TAMM41: variants seen among roughly 807,000 people sequenced by gnomAD.
TAMM41 encodes the protein phosphatidate cytidylyltransferase, mitochondrial.
In TAMM41, 36 loss-of-function variants were observed where a neutral mutation model predicts 44.1. The observed-to-expected ratio is 0.82, with a 90% confidence interval of 0.63 to 1.08. The LOEUF (loss-of-function observed/expected upper bound fraction) is 1.08, where lower values mean the gene tolerates loss of function less well. Ranked by LOEUF, TAMM41 falls within the 50% of genes least tolerant of loss-of-function variation. TAMM41 has a pLI of 0.00. For synonymous variants in TAMM41, 164 were observed against 153.1 expected, an observed-to-expected ratio of 1.07 and a Z score of -0.53; for missense variants, 417 against 404.3, an observed-to-expected ratio of 1.03 and a Z score of -0.27.
chr3:11,797,065 T>C (rs767542157), intron 7 of TAMM41, among the ~76,000 whole-genome samples: 8 of 152,194 alleles, frequency 5.3e-5, no homozygotes, highest in South Asian at 2.1e-4. Context: ...AAAATGGTCA[T>C]AGTGCCTAAA....
At chr3:11,834,318 T>C (rs1233649282) in intron 3 of TAMM41, among the ~76,000 whole-genome samples, 2 of 152,180 alleles carry the variant, frequency 1.3e-5, no homozygotes, top group African/African-American at 4.8e-5. Flanking sequence ...CAAAATCCTC[T>C]TAACAAGGTG....
rs368562112 is a variant in TAMM41, at chr3:11,844,067, C to T, written c.280G>A (p.Gly94Arg). The change falls in exon 2 of 8, where the codon GGA (glycine) becomes AGA (arginine). Residue 94 changes from glycine (G) to arginine (R), a missense_variant. Coordinates refer to ENST00000455809, the MANE Select transcript of TAMM41 (RefSeq NM_001284401.2). ...ATGATCAATGAATTGTAGTAAACTC[C>T]AGCGCCATAGTTATTCTGGATGGAC... ...ITSIQNNYGA[G>R]VYYNSLIMCN... is the part of the protein sequence containing the mutation. 4.3e-6 allele frequency: 7 copies of T among 1,614,036 alleles called. No homozygotes were observed. The highest frequency in any genetic ancestry group is 1.7e-5 in the Admixed American group (1 of 60,002).
At chr3:11,766,219 C>A in the TAMM41 span, among the ~76,000 whole-genome samples, 37 of 151,596 alleles carry the variant, frequency 2.4e-4, no homozygotes, top group African/African-American at 7.0e-4. Context: ...GGCTGGAGTG[C>A]GGAGTGAGGA....
chr3:11,734,431 T>C, the TAMM41 span, among the ~76,000 whole-genome samples: 1 of 152,134 alleles, frequency 6.6e-6, no homozygotes, highest in African/African-American at 2.4e-5. Flanking sequence ...AAGACTTAAA[T>C]GTGCATTTTC....
the TAMM41 span, among the ~76,000 whole-genome samples, chr3:11,741,261 C>G: frequency 1.4e-5 from 2 of 140,646 alleles, no homozygotes; most frequent in Non-Finnish European, 3.0e-5. Context: ...GCACTGGTGT[C>G]TGGTGTGGGC....
At chr3:11,794,494 T>A (rs2077559297) in intron 7 of TAMM41, among the ~76,000 whole-genome samples, 1 of 152,198 alleles carries the variant, frequency 6.6e-6, no homozygotes, top group Non-Finnish European at 1.5e-5. Flanking sequence ...TTCTGCTCAC[T>A]CCTTCCCCAG....
chr3:11,787,876 C>A (rs554503425), downstream of TAMM41, among the ~76,000 whole-genome samples: 8 of 152,164 alleles, frequency 5.3e-5, no homozygotes, highest in Non-Finnish European at 8.8e-5. Context: ...TACTTACTCC[C>A]GAAGAGTTCC....
chr3:11,758,871 G>A, the TAMM41 span, among the ~76,000 whole-genome samples: 8 of 150,926 alleles, frequency 5.3e-5, no homozygotes, highest in East Asian at 1.6e-3. Context: ...ATGGAGTTTC[G>A]CCATGCTGGC....
intron 7 of TAMM41, among the ~76,000 whole-genome samples, chr3:11,792,250 G>C (rs2077497697): frequency 6.6e-6 from 1 of 151,966 alleles, no homozygotes; most frequent in African/African-American, 2.4e-5. Context: ...TTCTGCCAGT[G>C]AGACATTTTC....
intron 3 of TAMM41, among the ~76,000 whole-genome samples, chr3:11,833,467 G>A (rs1410705294): frequency 6.6e-6 from 1 of 152,108 alleles, no homozygotes; most frequent in Non-Finnish European, 1.5e-5. Flanking sequence ...CCGCCCACCA[G>A]AACTTTTCCA....
chr3:11,739,671 C>CAAAAAAAA, the TAMM41 span, among the ~76,000 whole-genome samples: 1 of 53,456 alleles, frequency 1.9e-5, no homozygotes, highest in African/African-American at 7.6e-5. Flanking sequence ...GACTCCATCT[C>CAAAAAAAA]AAAAAAAAAA....
chr3:11,765,205 G>T, the TAMM41 span, among the ~76,000 whole-genome samples: 1 of 152,128 alleles, frequency 6.6e-6, no homozygotes, highest in South Asian at 2.1e-4. Flanking sequence ...CCATGATCAA[G>T]TGGACCCAGG....
intron 4 of TAMM41, among the ~76,000 whole-genome samples, chr3:11,820,426 A>G (rs2078468450): frequency 6.6e-6 from 1 of 152,158 alleles, no homozygotes; most frequent in East Asian, 1.9e-4. Context: ...TTCCCCCTAA[A>G]AGAACAATTG....
intron 7 of TAMM41, among the ~76,000 whole-genome samples, chr3:11,804,733 T>C (rs142300914): frequency 5.6e-4 from 85 of 152,304 alleles, no homozygotes; most frequent in Non-Finnish European, 1.1e-3. Context: ...AGCAGGAACA[T>C]AGATTAAATG....
the TAMM41 span, among the ~76,000 whole-genome samples, chr3:11,777,237 C>A: frequency 0.16 from 24,915 of 151,960 alleles, 3,967 homozygotes; most frequent in East Asian, 0.61. Flanking sequence ...AGATTGTATA[C>A]CTTAAATACA....
chr3:11,782,664 C>A, the TAMM41 span, among the ~76,000 whole-genome samples: 1 of 152,056 alleles, frequency 6.6e-6, no homozygotes, highest in Non-Finnish European at 1.5e-5. Context: ...CTTCCATAAA[C>A]CTTAGGTTTT....
rs576053123 is a variant in TAMM41 at position 11,833,573 on chromosome 3, A to G, written c.412-3709T>C. 2.9e-4 allele frequency among the ~76,000 whole-genome samples: 44 copies of G among 152,354 alleles called. 1 individual carries two copies. Among genetic ancestry groups the G allele is most frequent in the Admixed American group, 2.0e-3 (31 of 15,300 alleles). ...TTAGAGCTGGATGAAACCTTACTCAATATCTACCTGCTGGACTCTGGGCTC... is the reference window on the plus strand; with the variant it reads ...TTAGAGCTGGATGAAACCTTACTCAGTATCTACCTGCTGGACTCTGGGCTC... On this transcript the variant is annotated intron_variant, in intron 3 of 7. Coordinates refer to ENST00000455809, the MANE Select transcript of TAMM41 (RefSeq NM_001284401.2).
At chr3:11,811,580 C>T (rs746784847) in intron 5 of TAMM41, 2 of 152,208 alleles carry the variant, frequency 1.3e-5, no homozygotes, top group African/African-American at 2.4e-5. Flanking sequence ...CTTACACTAA[C>T]TCTCATTAAA....
the TAMM41 span, among the ~76,000 whole-genome samples, chr3:11,756,169 G>A: frequency 1.3e-5 from 2 of 152,128 alleles, no homozygotes; most frequent in Non-Finnish European, 2.9e-5. Flanking sequence ...AAATGTTAGC[G>A]CCCCTTCTCT....
Sources: gnomAD v4.1 joint callset for allele counts (sites outside exome capture counted in the v4.1 genomes callset) on GRCh38, gnomAD v4.1.1 for gene constraint, MANE v1.5 for transcripts, NCBI Gene and HGNC (gene_info 2026-07-23, HGNC 2026-07-21) for gene names.